The following GMDS variants were observed in gnomAD, a reference collection of about 807,000 sequenced individuals.
The protein encoded by GMDS is GDP-mannose 4,6-dehydratase.
In GMDS, 20 loss-of-function variants were observed where a neutral mutation model predicts 49.9. That is an observed-to-expected ratio of 0.40 (90% CI 0.28 to 0.58). GMDS has a LOEUF of 0.58. Ranked by LOEUF, GMDS falls within the 20% of genes least tolerant of loss-of-function variation. The pLI, the probability that GMDS is intolerant of heterozygous loss-of-function variation, is 0.42. For missense variants in GMDS, 362 were observed against 481.4 expected, an observed-to-expected ratio of 0.75 and a Z score of 2.32; for synonymous variants, 177 against 178.6, an observed-to-expected ratio of 0.99 and a Z score of 0.07.
In GMDS at chr6:1,972,266, T is replaced by TG. The variant is rs538885072; in HGVS notation, c.346-11301_346-11300insC. 5.0e-3 allele frequency among the ~76,000 whole-genome samples: 762 copies of TG among 151,140 alleles called. 2 individuals carry two copies. The highest frequency in any genetic ancestry group is 8.3e-3 in the Non-Finnish European group (562 of 67,780). ...AACTAAGTCTCCTGGGTTTTTGTTTTTTTTTTTTTTTTAGAAAATCTTAAT... is the reference window on the plus strand; with the variant it reads ...AACTAAGTCTCCTGGGTTTTTGTTTTGTTTTTTTTTTTTAGAAAATCTTAAT... On this transcript the variant is annotated intron_variant, in intron 4 of 10. Transcript: ENST00000380815.
chr6:1,740,295 G>A (rs1367130660), intron 8 of GMDS, among the ~76,000 whole-genome samples: 2 of 152,168 alleles, frequency 1.3e-5, no homozygotes, highest in Non-Finnish European at 2.9e-5. Context: ...GGTGGCTCAT[G>A]CCTGTAATCC....
intron 7 of GMDS, among the ~76,000 whole-genome samples, chr6:1,788,871 C>G (rs535979003): frequency 6.6e-6 from 1 of 152,320 alleles, no homozygotes; most frequent in East Asian, 1.9e-4. Context: ...AATTCTGCTG[C>G]TACCCACCTG....
chr6:2,202,393 CGAGT>C, intron 1 of GMDS, among the ~76,000 whole-genome samples: 1 of 149,024 alleles, frequency 6.7e-6, no homozygotes, highest in Admixed American at 6.6e-5. Flanking sequence ...ACTGCACAGT[CGAGT>C]AAGCACAGTC....
intron 6 of GMDS, among the ~76,000 whole-genome samples, chr6:1,944,387 C>T (rs1165154031): frequency 6.6e-6 from 1 of 152,078 alleles, no homozygotes; most frequent in African/African-American, 2.4e-5. Flanking sequence ...CGCCTGTAGT[C>T]CCAGCTGCTC....
intron 1 of GMDS, among the ~76,000 whole-genome samples, chr6:2,208,075 T>C (rs1362499291): frequency 6.6e-6 from 1 of 151,818 alleles, no homozygotes; most frequent in African/African-American, 2.4e-5. Flanking sequence ...CTTTACTCTG[T>C]TAGGATTAGG....
chr6:1,853,256 T>A (rs917044829), intron 7 of GMDS, among the ~76,000 whole-genome samples: 1 of 151,486 alleles, frequency 6.6e-6, no homozygotes, highest in African/African-American at 2.4e-5. Flanking sequence ...CGGTGGCTCA[T>A]GCCTGTAATC....
At chr6:2,101,793 A>G (rs1773942390) in intron 4 of GMDS, among the ~76,000 whole-genome samples, 1 of 152,048 alleles carries the variant, frequency 6.6e-6, no homozygotes, top group African/African-American at 2.4e-5. Flanking sequence ...ATGAGAAAAC[A>G]TACTTCGTGA....
chr6:1,952,475 T>C (rs558775334), intron 6 of GMDS, among the ~76,000 whole-genome samples: 8 of 152,266 alleles, frequency 5.3e-5, no homozygotes, highest in Non-Finnish European at 7.4e-5. Flanking sequence ...ATGATGATGA[T>C]AGCCAAACCC....
intron 9 of GMDS, chr6:1,679,698 A>G (rs999493217): frequency 2.0e-5 from 3 of 152,268 alleles, no homozygotes; most frequent in Non-Finnish European, 4.4e-5. Flanking sequence ...TTCAGTGTAT[A>G]CGATATTTTG....
intron 9 of GMDS, among the ~76,000 whole-genome samples, chr6:1,704,833 C>T (rs974224557): frequency 2.2e-5 from 3 of 135,836 alleles, no homozygotes; most frequent in African/African-American, 8.6e-5. Context: ...AGCATTTGTT[C>T]TATTGTTTTG....
intron 7 of GMDS, among the ~76,000 whole-genome samples, chr6:1,860,883 G>T (rs923211463): frequency 3.9e-5 from 6 of 152,152 alleles, no homozygotes; most frequent in African/African-American, 1.4e-4. Flanking sequence ...ACCTAGGCAG[G>T]TCTGTGTTTG....
intron 4 of GMDS, among the ~76,000 whole-genome samples, chr6:1,961,775 G>C (rs1763958230): frequency 1.3e-5 from 2 of 152,182 alleles, no homozygotes. Flanking sequence ...CTGCTGCCTC[G>C]TGAATCCTCA....
intron 9 of GMDS, among the ~76,000 whole-genome samples, chr6:1,657,983 C>T (rs76341545): frequency 0.023 from 3,531 of 152,182 alleles, 113 homozygotes; most frequent in African/African-American, 0.08. Context: ...GCCTGCCTTG[C>T]GTAGCGCCGG....
chr6:1,659,896 C>T (rs9378646), intron 9 of GMDS, among the ~76,000 whole-genome samples: 28,894 of 151,592 alleles, frequency 0.19, 3,241 homozygotes, highest in East Asian at 0.52. Context: ...CCATTTTAAA[C>T]CCAATTAGTT....
intron 9 of GMDS, among the ~76,000 whole-genome samples, chr6:1,681,027 T>C (rs936552625): frequency 6.6e-6 from 1 of 152,120 alleles, no homozygotes; most frequent in Admixed American, 6.6e-5. Context: ...GTAACACAAA[T>C]ATACTCTCAC....
intron 7 of GMDS, among the ~76,000 whole-genome samples, chr6:1,865,208 T>A (rs1288490708): frequency 6.6e-6 from 1 of 152,222 alleles, no homozygotes; most frequent in Admixed American, 6.5e-5. Flanking sequence ...AACTTTATCC[T>A]CTTCATTTTG....
chr6:1,975,020 AGAGT>A (rs1764819602), intron 4 of GMDS, among the ~76,000 whole-genome samples: 1 of 146,916 alleles, frequency 6.8e-6, no homozygotes, highest in Non-Finnish European at 1.5e-5. Flanking sequence ...CCTGGGCAAC[AGAGT>A]GAGACTCTGT....
chr6:1,960,016 AC>A, intron 5 of GMDS, 45 bp from the exon 6 acceptor site: 1 of 1,144,768 alleles, frequency 8.7e-7, no homozygotes, highest in Non-Finnish European at 1.3e-6. Flanking sequence ...GTTGTAAAAG[AC>A]AGTGATTCTC....
chr6:1,909,356 C>T (rs1250678962), intron 7 of GMDS, among the ~76,000 whole-genome samples: 1 of 152,196 alleles, frequency 6.6e-6, no homozygotes, highest in African/African-American at 2.4e-5. Context: ...CTTAAAAGAA[C>T]AGGTACAAAG....
Sources: gnomAD v4.1 joint callset for allele counts (sites outside exome capture counted in the v4.1 genomes callset) on GRCh38, gnomAD v4.1.1 for gene constraint, MANE v1.5 for transcripts, NCBI Gene and HGNC (gene_info 2026-07-23, HGNC 2026-07-21) for gene names.